Variants in STPG2 observed in about 807,000 individuals in gnomAD.
STPG2 encodes sperm tail PG-rich repeat containing 2.
STPG2 carries 56 observed loss-of-function variants against 54.2 expected under a neutral mutation model. The observed-to-expected ratio is 1.03, with a 90% CI of 0.83 to 1.29. The LOEUF (loss-of-function observed/expected upper bound fraction) is 1.29. STPG2 is among the 50% of genes most tolerant of loss of function. The pLI, the probability that STPG2 is intolerant of heterozygous loss-of-function variation, is 0.00. For missense variants in STPG2, 596 were observed against 544.9 expected, an observed-to-expected ratio of 1.09 and a Z score of -0.93; for synonymous variants, 200 against 181.8, an observed-to-expected ratio of 1.10 and a Z score of -0.81.
intron 10 of STPG2, among the ~76,000 whole-genome samples, chr4:97,584,147 A>G (rs1732933167): frequency 6.6e-6 from 1 of 152,032 alleles, no homozygotes; most frequent in South Asian, 2.1e-4. Context: ...ACAAGTCTCA[A>G]TAAATTTAAG....
In STPG2 at chr4:97,496,054, T is replaced by C. The variant is rs138657178; in HGVS notation, c.462+216645A>G. ...CATGCATAAATATGTTGAAAATCAA[T>C]GACAACCAATATGTCCTAAAAATTA... On this transcript the variant is annotated intron_variant, in intron 4 of 4. Transcript: ENST00000522676. Among the ~76,000 whole-genome samples the C allele has an allele frequency of 4.2e-3, 637 of 151,738 alleles. 3 individuals carry two copies. Among genetic ancestry groups the C allele is most frequent in the South Asian group, 0.02 (98 of 4,824 alleles).
intron 10 of STPG2, among the ~76,000 whole-genome samples, chr4:97,658,673 T>A (rs74447177): frequency 0.015 from 2,268 of 152,306 alleles, 55 homozygotes; most frequent in African/African-American, 0.052. Flanking sequence ...ACTAAGAGGA[T>A]GTGGACATGA....
chr4:97,463,104 A>C (rs1221901334), intron 4 of STPG2, among the ~76,000 whole-genome samples: 1 of 152,288 alleles, frequency 6.6e-6, no homozygotes, highest in East Asian at 1.9e-4. Context: ...GTGGTAAATT[A>C]TAATTTTTTC....
At chr4:97,653,835 A>G (rs540566337) in intron 10 of STPG2, among the ~76,000 whole-genome samples, 1 of 152,268 alleles carries the variant, frequency 6.6e-6, no homozygotes, top group Admixed American at 6.5e-5. Context: ...GGGGAGGGAA[A>G]GTGAGATAGT....
At chr4:98,009,019 A>G (rs1735658543) in intron 5 of STPG2, among the ~76,000 whole-genome samples, 1 of 151,734 alleles carries the variant, frequency 6.6e-6, no homozygotes, top group African/African-American at 2.4e-5. Context: ...TTATTTGAGT[A>G]CATTCTGTTT....
At chr4:97,678,167 T>C (rs1316962984) in intron 10 of STPG2, among the ~76,000 whole-genome samples, 1 of 152,140 alleles carries the variant, frequency 6.6e-6, no homozygotes, top group Admixed American at 6.6e-5. Flanking sequence ...TAATCATATG[T>C]ATTTTAACAC....
chr4:97,995,799 T>C (rs1486998755), intron 5 of STPG2, among the ~76,000 whole-genome samples: 1 of 152,168 alleles, frequency 6.6e-6, no homozygotes, highest in Non-Finnish European at 1.5e-5. Context: ...ATGGTTTTGC[T>C]GTGTCCCCAC....
intron 5 of STPG2, among the ~76,000 whole-genome samples, chr4:98,089,974 G>C (rs950449339): frequency 2.0e-5 from 3 of 151,884 alleles, no homozygotes; most frequent in East Asian, 3.9e-4. Flanking sequence ...CATGGTTTGT[G>C]AATATTTTCT....
chr4:97,502,477 A>T (rs1051703835), intron 4 of STPG2, among the ~76,000 whole-genome samples: 2 of 152,012 alleles, frequency 1.3e-5, no homozygotes, highest in Non-Finnish European at 2.9e-5. Context: ...TCCGACTATA[A>T]AGGCAAATGG....
intron 10 of STPG2, among the ~76,000 whole-genome samples, chr4:97,708,057 A>G (rs1724004113): frequency 6.6e-6 from 1 of 152,064 alleles, no homozygotes; most frequent in Non-Finnish European, 1.5e-5. Context: ...ACTCTCTTAA[A>G]TGTATACTCT....
intron 5 of STPG2, among the ~76,000 whole-genome samples, chr4:98,091,849 A>G (rs1206414311): frequency 6.6e-6 from 1 of 152,068 alleles, no homozygotes; most frequent in African/African-American, 2.4e-5. Flanking sequence ...TAGAGACTTA[A>G]AAGGAAGAAT....
At chr4:97,489,247 T>G (rs1730446304) in intron 4 of STPG2, among the ~76,000 whole-genome samples, 1 of 151,696 alleles carries the variant, frequency 6.6e-6, no homozygotes, top group Non-Finnish European at 1.5e-5. Flanking sequence ...TTTTATAAAT[T>G]GCCCAGTCTC....
intron 10 of STPG2, among the ~76,000 whole-genome samples, chr4:97,651,452 A>G (rs1463361876): frequency 6.6e-6 from 1 of 152,076 alleles, no homozygotes; most frequent in East Asian, 1.9e-4. Flanking sequence ...TTTTGCTACA[A>G]CTTACATTGT....
intron 5 of STPG2, among the ~76,000 whole-genome samples, chr4:98,020,413 G>T (rs534020104): frequency 1.5e-4 from 22 of 146,422 alleles, no homozygotes; most frequent in Admixed American, 1.5e-3. Flanking sequence ...TGCTGGATTC[G>T]GTTTGCCAGT....
intron 9 of STPG2, among the ~76,000 whole-genome samples, chr4:97,717,102 C>A (rs1183177205): frequency 1.3e-5 from 2 of 152,064 alleles, no homozygotes; most frequent in Non-Finnish European, 2.9e-5. Flanking sequence ...TCTTCCACTA[C>A]CTCTAAGACT....
At chr4:97,482,508 A>G (rs1047470403) in intron 4 of STPG2, among the ~76,000 whole-genome samples, 26 of 151,614 alleles carry the variant, frequency 1.7e-4, no homozygotes, top group African/African-American at 6.3e-4. Context: ...CAACATAGAC[A>G]AAGAAAAAAT....
chr4:97,559,168 G>T (rs1278830912), intron 10 of STPG2, 51 bp from the exon 11 acceptor site: 1 of 1,171,850 alleles, frequency 8.5e-7, no homozygotes, highest in Non-Finnish European at 1.2e-6. Flanking sequence ...CTTACAAAAA[G>T]AAAAATAATA....
chr4:97,912,446 C>A (rs1290631544), intron 8 of STPG2, among the ~76,000 whole-genome samples: 1 of 152,144 alleles, frequency 6.6e-6, no homozygotes, highest in Admixed American at 6.5e-5. Context: ...GAGCTGACAG[C>A]CACAATAGCC....
At chr4:97,576,650 G>A (rs1732730827) in intron 10 of STPG2, among the ~76,000 whole-genome samples, 1 of 152,026 alleles carries the variant, frequency 6.6e-6, no homozygotes, top group Non-Finnish European at 1.5e-5. Context: ...AATCCTAGAA[G>A]AAAACTTAGA....
Sources: allele counts gnomAD v4.1 joint callset (sites outside exome capture counted in the v4.1 genomes callset), GRCh38; gene constraint gnomAD v4.1.1; transcripts MANE v1.5; gene names NCBI Gene and HGNC (gene_info 2026-07-23, HGNC 2026-07-21).